PRR5: variants seen among roughly 807,000 people sequenced by gnomAD.
PRR5 encodes the protein proline-rich protein 5.
Under a neutral mutation model 30.6 loss-of-function variants are expected in PRR5, and 25 were observed. The observed-to-expected ratio is 0.82, with a 90% CI of 0.60 to 1.14. PRR5 has a LOEUF of 1.14. Among genes scored for constraint, PRR5 ranks in the 50% most tolerant of loss-of-function variants. PRR5 has a pLI of 0.00. For synonymous variants in PRR5, 286 were observed against 247.1 expected, an observed-to-expected ratio of 1.16 and a Z score of -1.48; for missense variants, 600 against 547.1, an observed-to-expected ratio of 1.10 and a Z score of -0.96.
In PRR5 at chr22:44,737,504, G is replaced by A. The variant is rs986882942; in HGVS notation, c.*257G>A. 3.8e-5 allele frequency: 22 copies of A among 580,162 alleles called. No individual in the cohort carries two copies. The highest frequency in any genetic ancestry group is 5.0e-5 in the Non-Finnish European group (18 of 358,072). 35.9% of individuals were successfully genotyped at this position (580,162 alleles called of 1,614,324 possible). A position where few individuals can be genotyped will look rare whatever the true frequency, so the allele number is the denominator to read the frequency against. ...GGCCAGAGACGGGGGTCGGCCGCTC[G>A]CTCCCACGCTCCTCCTGCCCCAGCC... is the stretch of plus-strand genomic sequence containing the variant. On this transcript the variant is annotated 3_prime_UTR_variant, in exon 8 of 8. Transcript: ENST00000336985.
At position 44,737,345 on chromosome 22, in the gene PRR5, TC is replaced by T; in HGVS notation, c.*101del. Reference sequence around the variant, plus strand: ...AGTGAGACTTTTTTACTGCGTCCCGTCCCGCCAGCCCTATCGGCCTCGTCAC... The same window carrying T: ...AGTGAGACTTTTTTACTGCGTCCCGTCCGCCAGCCCTATCGGCCTCGTCAC... On this transcript the variant is annotated 3_prime_UTR_variant, in exon 8 of 8. Coordinates refer to ENST00000336985, the MANE Select transcript of PRR5 (RefSeq NM_181333.4). 1.4e-6 allele frequency: 2 copies of T among 1,473,140 alleles called. No individual in the cohort carries two copies. Among genetic ancestry groups the T allele is most frequent in the South Asian group, 2.7e-5 (2 of 73,642 alleles). The allele number at this position is 1,473,140 out of a possible 1,614,324, so 91.3% of individuals were successfully genotyped here. A position where few individuals can be genotyped will look rare whatever the true frequency, so the allele number is the denominator to read the frequency against.
At chr22:44,670,733 G>C (rs920182744) in intron 1 of PRR5, among the ~76,000 whole-genome samples, 1 of 152,166 alleles carries the variant, frequency 6.6e-6, no homozygotes, top group Non-Finnish European at 1.5e-5. Context: ...AAAGGCCTGG[G>C]GACGGTAACA....
Position 44,732,378 on chromosome 22 carries a change from T to A in PRR5, c.542T>A (p.Leu181Gln). ...ARVPPAIVQMLLVLQGVHESR... is the reference protein window; with the variant it reads ...ARVPPAIVQMQLVLQGVHESR... ...GTGCCCCCTGCCATCGTGCAGATGC[T>A]GCTGGTGCTGCAGGTGGGCACAGTG... Residue 181 changes from leucine to glutamine, a missense_variant, in exon 6 of 8, where the codon CTG (leucine) becomes CAG (glutamine). Transcript: ENST00000336985. 1 of 1,609,278 alleles carries A rather than the reference T, an allele frequency of 6.2e-7. No homozygotes were observed. Among genetic ancestry groups the A allele is most frequent in the Non-Finnish European group, 8.5e-7 (1 of 1,178,946 alleles).
intron 1 of PRR5, chr22:44,679,889 C>G (rs1389617123): frequency 1.3e-6 from 2 of 1,573,678 alleles, no homozygotes; most frequent in African/African-American, 2.7e-5. Flanking sequence ...TGTACAGGTG[C>G]CACTGTGCCG....
At chr22:44,711,600 C>T (rs1303136096) in intron 1 of PRR5, among the ~76,000 whole-genome samples, 1 of 152,156 alleles carries the variant, frequency 6.6e-6, no homozygotes, top group Non-Finnish European at 1.5e-5. Flanking sequence ...AGGGCTGAAG[C>T]CTGGGGCCCA....
rs191107248 is a variant in PRR5 at position 44,702,990 on chromosome 22, C to T, written c.134+382C>T. Among the ~76,000 whole-genome samples the T allele has an allele frequency of 3.8e-3, 582 of 152,326 alleles. 6 individuals carry two copies. Among genetic ancestry groups the T allele is most frequent in the African/African-American group, 0.013 (555 of 41,582 alleles). ...AGGAAGTATTTTTCCCATTTTGCGG[C>T]TGAGCACGGGAGCCTCGGGGCTCAG... On this transcript the variant is annotated intron_variant, in intron 1 of 7. Coordinates refer to ENST00000336985, the MANE Select transcript of PRR5 (RefSeq NM_181333.4).
chr22:44,713,329 T>C (rs1928546747), intron 1 of PRR5, among the ~76,000 whole-genome samples: 1 of 152,240 alleles, frequency 6.6e-6, no homozygotes, highest in Non-Finnish European at 1.5e-5. Flanking sequence ...CTTCCCGACC[T>C]CAGGTGATTC....
At position 44,702,624 on chromosome 22, in the gene PRR5, C is replaced by T. The variant is rs1926509002; in HGVS notation, c.134+16C>T. 7.8e-7 allele frequency: 1 copy of T among 1,277,814 alleles called. No individual in the cohort carries two copies. Among genetic ancestry groups the T allele is most frequent in the South Asian group, 2.5e-5 (1 of 39,752 alleles). 79.2% of individuals were successfully genotyped at this position (1,277,814 alleles called of 1,614,324 possible). A position where few individuals can be genotyped will look rare whatever the true frequency, so the allele number is the denominator to read the frequency against. ...CCTGGAACAGGTAAGGCCGCGCCCT[C>T]CCGGCCACCCGGAGGCCCTGGAGCC... On this transcript the variant is annotated intron_variant, in intron 1 of 7. Coordinates refer to ENST00000336985, the MANE Select transcript of PRR5 (RefSeq NM_181333.4).
At chr22:44,679,956 A>T in intron 1 of PRR5, 1 of 1,427,812 alleles carries the variant, frequency 7.0e-7, no homozygotes, top group Non-Finnish European at 9.6e-7. Context: ...GTGTGGCTGG[A>T]GGCTTAGGGA....
At chr22:44,730,828 C>A in intron 4 of PRR5, 1 of 433,720 alleles carries the variant, frequency 2.3e-6, no homozygotes, top group South Asian at 2.2e-5. Context: ...GGGCCACTGA[C>A]TGTGGTGCAC....
At chr22:44,722,382 G>A (rs755410895) in intron 2 of PRR5, among the ~76,000 whole-genome samples, 11 of 152,234 alleles carry the variant, frequency 7.2e-5, no homozygotes, top group Non-Finnish European at 1.5e-4. Context: ...GTGCAGGAAC[G>A]TTAGTATTTT....
intron 4 of PRR5, chr22:44,729,594 T>G (rs1387554863): frequency 1.0e-6 from 1 of 985,334 alleles, no homozygotes; most frequent in African/African-American, 1.7e-5. Flanking sequence ...AGGATGCCAC[T>G]GAGTCCGCCT....
chr22:44,732,898 C>T (rs114098969), intron 6 of PRR5, among the ~76,000 whole-genome samples: 6,749 of 148,026 alleles, frequency 0.046, 242 homozygotes, highest in Admixed American at 0.081. Context: ...CACACACGTG[C>T]ACACGCATAC....
rs561274455 is a variant in PRR5, at chr22:44,692,268, C to T, written c.-10-10224C>T. Among the ~76,000 whole-genome samples, 210 of 137,656 alleles carry T rather than the reference C, an allele frequency of 1.5e-3. 1 individual carries two copies. The highest frequency in any genetic ancestry group is 5.5e-3 in the African/African-American group (202 of 36,456). The allele number at this position is 137,656 out of a possible 152,430, so 90.3% of individuals were successfully genotyped here. On this transcript the variant is annotated intron_variant, in intron 1 of 8. Transcript: ENST00000006251. Reference sequence around the variant, plus strand: ...ACCCAGGGCTCCTCCTCCCGGGGCTCCTCCTCCCACGCTCCTCCACCAGGG... The same window carrying T: ...ACCCAGGGCTCCTCCTCCCGGGGCTTCTCCTCCCACGCTCCTCCACCAGGG...
At chr22:44,698,813 A>G (rs918103579), upstream of PRR5, among the ~76,000 whole-genome samples, 6 of 152,236 alleles carry the variant, frequency 3.9e-5, no homozygotes, top group Non-Finnish European at 7.3e-5. Flanking sequence ...TGCAGGCCAC[A>G]CAGAGCACAC....
intron 4 of PRR5, chr22:44,731,280 A>T: frequency 3.8e-6 from 1 of 262,468 alleles, no homozygotes; most frequent in East Asian, 9.6e-5. Flanking sequence ...ACCTGTGCCG[A>T]GTGTACCTAC....
At chr22:44,704,613 G>A (rs924117034) in intron 1 of PRR5, among the ~76,000 whole-genome samples, 2 of 151,968 alleles carry the variant, frequency 1.3e-5, no homozygotes, top group African/African-American at 2.4e-5. Flanking sequence ...GCAGGGGCAC[G>A]GCCATTTCCT....
intron 1 of PRR5, among the ~76,000 whole-genome samples, chr22:44,696,412 G>A (rs1235831808): frequency 2.6e-5 from 4 of 152,206 alleles, no homozygotes; most frequent in African/African-American, 7.2e-5. Context: ...TTTGGAAACC[G>A]ATTGGTGTTC....
chr22:44,697,945 G>C (rs1017724580), upstream of PRR5, among the ~76,000 whole-genome samples: 1 of 152,194 alleles, frequency 6.6e-6, no homozygotes, highest in Non-Finnish European at 1.5e-5. Flanking sequence ...GGGGTATGCT[G>C]TCTCCTCCCT....
Sources: gnomAD v4.1 joint callset for allele counts (sites outside exome capture counted in the v4.1 genomes callset) on GRCh38, gnomAD v4.1.1 for gene constraint, MANE v1.5 for transcripts, NCBI Gene and HGNC (gene_info 2026-07-23, HGNC 2026-07-21) for gene names.